Variants in FGL1 observed in about 807,000 individuals in gnomAD.
The protein encoded by FGL1 is fibrinogen-like protein 1.
Under a neutral mutation model 43.7 loss-of-function variants are expected in FGL1, and 59 were observed. That is an observed-to-expected ratio of 1.35 (90% CI 1.10 to 1.68). The LOEUF (loss-of-function observed/expected upper bound fraction) is 1.68. Ranked by LOEUF, FGL1 falls within the 40% of genes most tolerant of loss-of-function variation. The pLI, the probability that FGL1 is intolerant of heterozygous loss-of-function variation, is 0.00. For synonymous variants in FGL1, 192 were observed against 126.5 expected (o/e 1.52, Z -3.48); for missense variants, 596 against 373.0 (o/e 1.60, Z -4.92).
rs1361305338 is a variant in FGL1 at position 17,891,860 on chromosome 8, C to CT, written c.-18+3586dup. 20 of 924,704 alleles carry CT rather than the reference C, an allele frequency of 2.2e-5. No homozygotes were observed. The South Asian group carries it at 7.5e-4, about 34-fold the overall frequency. The allele number at this position is 924,704 out of a possible 1,614,324, so 57.3% of individuals were successfully genotyped here. A position where few individuals can be genotyped will look rare whatever the true frequency, so the allele number is the denominator to read the frequency against. On this transcript the variant is annotated intron_variant, in intron 1 of 7. Coordinates refer to ENST00000427924, the MANE Select transcript of FGL1 (RefSeq NM_004467.4). ...CTTAATGAATTATGCTTTTCATAAA[C>CT]TTTTTTGTGATTTGCAAATATGTCA...
intron 7 of FGL1, among the ~76,000 whole-genome samples, chr8:17,865,710 T>A (rs1227486137): frequency 6.6e-6 from 1 of 152,214 alleles, no homozygotes; most frequent in African/African-American, 2.4e-5. Context: ...TGTTATGAAA[T>A]TAATTGCCAT....
At chr8:17,885,028 TAAAAAAATGTAAAGCAC>T (rs2053607036) in intron 2 of FGL1, among the ~76,000 whole-genome samples, 1 of 151,208 alleles carries the variant, frequency 6.6e-6, no homozygotes, top group Admixed American at 6.6e-5. Context: ...ACTTTTTATT[TAAAAAAATGTAAAGCAC>T]TTTTTTTTTT....
chr8:17,873,686 T>C (rs1585132075), intron 5 of FGL1, among the ~76,000 whole-genome samples: 1 of 104,754 alleles, frequency 9.5e-6, no homozygotes, highest in East Asian at 2.4e-4. Context: ...TATATATCTA[T>C]AGATACATAT....
At chr8:17,891,543 C>G (rs953696080) in intron 1 of FGL1, 1 of 285,652 alleles carries the variant, frequency 3.5e-6, no homozygotes, top group Non-Finnish European at 5.3e-6. Context: ...GTTACATGTA[C>G]AAAGACCCTA....
rs183202443 is a variant in FGL1 at position 17,893,197 on chromosome 8, T to C, written c.-18+2250A>G. On this transcript the variant is annotated intron_variant, in intron 1 of 7. Coordinates refer to ENST00000427924, the MANE Select transcript of FGL1 (RefSeq NM_004467.4). ...GCCTGGGTGACAGAGTGAGACTCCA[T>C]CTCAAAAAACAAACAAACAAACAAC... Among the ~76,000 whole-genome samples the C allele has an allele frequency of 1.8e-3, 270 of 152,080 alleles. 2 individuals carry two copies. Among genetic ancestry groups the C allele is most frequent in the African/African-American group, 5.8e-3 (242 of 41,472 alleles).
At chr8:17,894,355 C>A (rs2053746931) in intron 1 of FGL1, among the ~76,000 whole-genome samples, 1 of 146,792 alleles carries the variant, frequency 6.8e-6, no homozygotes, top group African/African-American at 2.7e-5. Flanking sequence ...TAAAAATGTA[C>A]CCATAAACAC....
At chr8:17,885,686 T>C in intron 1 of FGL1, 115 bp from the exon 2 acceptor site, 1 of 752,030 alleles carries the variant, frequency 1.3e-6, no homozygotes, top group Non-Finnish European at 2.2e-6. Flanking sequence ...ATCCCTAATC[T>C]TAGAGTCGCC....
intron 3 of FGL1, 68 bp from the exon 4 acceptor site, chr8:17,874,589 C>G: frequency 8.2e-7 from 1 of 1,216,716 alleles, no homozygotes; most frequent in Non-Finnish European, 1.2e-6. Context: ...TAGGGAGCCT[C>G]TGAATGAGAC....
intron 1 of FGL1, among the ~76,000 whole-genome samples, chr8:17,889,959 C>T (rs1260505279): frequency 6.6e-6 from 1 of 152,180 alleles, no homozygotes; most frequent in African/African-American, 2.4e-5. Context: ...AGAGAGAGAA[C>T]AAATTGGCAA....
rs761457705 is a variant in FGL1, at chr8:17,882,125, G to T, written c.118C>A (p.Leu40Ile). 1 of 1,613,920 alleles carries T rather than the reference G, an allele frequency of 6.2e-7. No individual in the cohort carries two copies. Among genetic ancestry groups the T allele is most frequent in the Non-Finnish European group, 8.5e-7 (1 of 1,180,008 alleles). ...TGTTGCTGTTTGACCCGGGTCTCAAGCAGGCGCACCTGGGCTCTGAGCCGC... is the reference window on the plus strand; with the variant it reads ...TGTTGCTGTTTGACCCGGGTCTCAATCAGGCGCACCTGGGCTCTGAGCCGC... ...QMRLRAQVRLLETRVKQQQVK... is the reference protein window; with the variant it reads ...QMRLRAQVRLIETRVKQQQVK... The change falls in exon 3 of 8, where the codon CTT becomes ATT. Residue 40 changes from leucine to isoleucine, a missense_variant. Physicochemically the swap from Leu to Ile is conservative, Grantham distance 5. Coordinates refer to ENST00000427924, the MANE Select transcript of FGL1 (RefSeq NM_004467.4).
At chr8:17,875,924 C>T (rs1229156443) in intron 3 of FGL1, among the ~76,000 whole-genome samples, 1 of 152,074 alleles carries the variant, frequency 6.6e-6, no homozygotes, top group Non-Finnish European at 1.5e-5. Context: ...ATGTCTGTTC[C>T]TTAAGCCACT....
rs929280418 is a variant in FGL1 at position 17,893,808 on chromosome 8, T to G, written c.-18+1639A>C. Among the ~76,000 whole-genome samples the G allele has an allele frequency of 2.2e-4, 32 of 147,566 alleles. 1 individual carries two copies. The highest frequency in any genetic ancestry group is 3.5e-4 in the Non-Finnish European group (24 of 67,804). Reference sequence around the variant, plus strand: ...ACTTGCTTTGAAATTCTGGTCTCCATCATTCATTATAGTAAACCATTATTT... The same window carrying G: ...ACTTGCTTTGAAATTCTGGTCTCCAGCATTCATTATAGTAAACCATTATTT... On this transcript the variant is annotated intron_variant, in intron 1 of 7. Transcript: ENST00000427924.
intron 1 of FGL1, chr8:17,891,323 A>T (rs796880986): frequency 2.6e-5 from 4 of 152,330 alleles, no homozygotes; most frequent in African/African-American, 9.6e-5. Flanking sequence ...CTCTAAGAGA[A>T]AATCCTTTCT....
At chr8:17,890,156 A>C (rs1249671630) in intron 1 of FGL1, among the ~76,000 whole-genome samples, 1 of 152,212 alleles carries the variant, frequency 6.6e-6, no homozygotes, top group African/African-American at 2.4e-5. Flanking sequence ...TTCCTAAGGA[A>C]AGACTCTACG....
rs780862677 is a variant in FGL1, at chr8:17,868,698, G to A, written c.629C>T (p.Thr210Ile). 4 of 1,613,436 alleles carry A rather than the reference G, an allele frequency of 2.5e-6. No homozygotes were observed. The highest frequency in any genetic ancestry group is 1.7e-5 in the Admixed American group (1 of 59,782). Residue 210 changes from threonine (T) to isoleucine (I), a missense_variant, in exon 7 of 8, where the codon ACA (threonine) becomes ATA (isoleucine). By Grantham distance (89) the Thr-to-Ile change is moderately conservative (BLOSUM62 -1). Transcript: ENST00000427924. ...ATTCCCCGCAAGGGAATCTCCAGCT[G>A]TTCCAGAATATTCCCCAATATTCAA... is the stretch of plus-strand genomic sequence containing the variant. ...YELNIGEYSG[T>I]AGDSLAGNFH...
At chr8:17,870,462 C>G (rs1251289436) in intron 5 of FGL1, among the ~76,000 whole-genome samples, 2 of 152,118 alleles carry the variant, frequency 1.3e-5, no homozygotes, top group South Asian at 2.1e-4. Flanking sequence ...CCTGTAAGGT[C>G]GGGTTAGAAT....
chr8:17,881,999 C>T lies in FGL1; in HGVS notation c.244G>A (p.Asp82Asn), dbSNP rs2053543034. The change falls in exon 3 of 8, where the codon GAT becomes AAT. Residue 82 changes from aspartate (D) to asparagine (N), a missense_variant and splice_region_variant. By Grantham distance (23) the Asp-to-Asn change is conservative (BLOSUM62 1). Coordinates refer to ENST00000427924, the MANE Select transcript of FGL1 (RefSeq NM_004467.4). Reference sequence around the variant, plus strand: ...ACACTTAAGAAAAGTCCATTCTGACCTGCATACTGCCTCTTGCTTCCAAGA... The same window carrying T: ...ACACTTAAGAAAAGTCCATTCTGACTTGCATACTGCCTCTTGCTTCCAAGA... The part of the protein sequence containing the change: ...IDLGSKRQYA[D>N]CSEIFNDGYK... The T allele has an allele frequency of 6.2e-7, 1 of 1,613,308 alleles. No individual in the cohort carries two copies. Among genetic ancestry groups the T allele is most frequent in the African/African-American group, 1.3e-5 (1 of 74,904 alleles).
intron 2 of FGL1, 78 bp from the exon 3 acceptor site, chr8:17,882,257 T>C (rs1682134984): frequency 7.5e-7 from 1 of 1,328,792 alleles, no homozygotes; most frequent in Non-Finnish European, 1.0e-6. Flanking sequence ...TTTGGATAAA[T>C]CAGTGATTCC....
intron 3 of FGL1, among the ~76,000 whole-genome samples, chr8:17,879,397 A>G (rs1485711918): frequency 6.6e-6 from 1 of 151,880 alleles, no homozygotes; most frequent in East Asian, 1.9e-4. Flanking sequence ...TATGATTTGG[A>G]TGTGTGTCCC....
Sources: allele counts gnomAD v4.1 joint callset (sites outside exome capture counted in the v4.1 genomes callset), GRCh38; gene constraint gnomAD v4.1.1; transcripts MANE v1.5; gene names NCBI Gene and HGNC (gene_info 2026-07-23, HGNC 2026-07-21).